The following SSX2IP variants were observed in gnomAD, a reference collection of about 807,000 sequenced individuals.
The protein encoded by SSX2IP is afadin- and alpha-actinin-binding protein.
In SSX2IP, 55 loss-of-function variants were observed where a neutral mutation model predicts 84.9. The ratio of observed to expected loss-of-function variants is 0.65; its 90% CI spans 0.52 to 0.81. The LOEUF is 0.81. Ranked by LOEUF, SSX2IP falls within the 30% of genes least tolerant of loss-of-function variation. The pLI is 0.00. For synonymous variants in SSX2IP, 239 were observed against 234.7 expected (o/e 1.02, Z -0.17); for missense variants, 664 against 705.2 (o/e 0.94, Z 0.66).
At chr1:84,662,579 A>T (rs2911563) in intron 6 of SSX2IP, 49 bp from the exon 7 acceptor site, 4 of 1,591,198 alleles carry the variant, frequency 2.5e-6, no homozygotes, top group Non-Finnish European at 3.4e-6. Context: ...ATGCTTAAGC[A>T]TCTAAAACTC....
intron 8 of SSX2IP, among the ~76,000 whole-genome samples, chr1:84,661,078 A>G (rs1651909985): frequency 6.7e-6 from 1 of 149,424 alleles, no homozygotes; most frequent in African/African-American, 2.5e-5. Context: ...AAAAAAAAAA[A>G]AAAAAAAAAA....
intron 11 of SSX2IP, among the ~76,000 whole-genome samples, chr1:84,655,154 A>G (rs1170902458): frequency 2.0e-5 from 3 of 152,174 alleles, no homozygotes; most frequent in African/African-American, 7.2e-5. Context: ...CTGATAAACA[A>G]GAAAACTTGA....
intron 7 of SSX2IP, 23 bp from the exon 8 acceptor site, chr1:84,662,398 G>A (rs767490222): frequency 1.2e-6 from 2 of 1,607,998 alleles, no homozygotes; most frequent in South Asian, 2.2e-5. Context: ...CTGTCAGTAT[G>A]AAAATGCAGG....
At chr1:84,676,152 T>C (rs1654295571) in intron 1 of SSX2IP, among the ~76,000 whole-genome samples, 1 of 152,194 alleles carries the variant, frequency 6.6e-6, no homozygotes, top group African/African-American at 2.4e-5. Context: ...ACCTTGAACA[T>C]TAAATAATTA....
intron 9 of SSX2IP, 131 bp from the exon 10 acceptor site, chr1:84,656,615 T>C (rs960786218): frequency 2.8e-6 from 2 of 723,316 alleles, no homozygotes; most frequent in Non-Finnish European, 3.9e-6. Flanking sequence ...TTCTAAAAAG[T>C]AGTTACGTCC....
At chr1:84,664,830 A>C (rs1652534819) in intron 5 of SSX2IP, among the ~76,000 whole-genome samples, 1 of 152,194 alleles carries the variant, frequency 6.6e-6, no homozygotes, top group Admixed American at 6.5e-5. Context: ...TTATGGAAGT[A>C]TTAAAACGAT....
intron 7 of SSX2IP, 37 bp from the exon 8 acceptor site, chr1:84,662,412 G>A (rs1652150567): frequency 1.2e-6 from 2 of 1,610,328 alleles, no homozygotes; most frequent in South Asian, 1.1e-5. Flanking sequence ...ATGCAGGATA[G>A]AAGGAAGTCT....
intron 6 of SSX2IP, 39 bp downstream of exon 6, chr1:84,664,378 C>G: frequency 6.5e-7 from 1 of 1,530,876 alleles, no homozygotes; most frequent in Non-Finnish European, 8.7e-7. Flanking sequence ...ATAGTATTAG[C>G]TTATTTATTC....
At chr1:84,666,308 C>T in intron 4 of SSX2IP, 76 bp from the exon 5 acceptor site, 1 of 1,081,760 alleles carries the variant, frequency 9.2e-7, no homozygotes, top group Non-Finnish European at 1.4e-6. Flanking sequence ...ATATCAGTAA[C>T]AAGAAGTTAT....
chr1:84,679,895 G>T (rs1654849284), intron 1 of SSX2IP, among the ~76,000 whole-genome samples: 1 of 152,168 alleles, frequency 6.6e-6, no homozygotes, highest in South Asian at 2.1e-4. Context: ...GCTAGCAAGT[G>T]GCAGAGGCAG....
Position 84,648,066 on chromosome 1 carries a change from T to G in SSX2IP, c.1671-459A>C, listed in dbSNP as rs193097644. Among the ~76,000 whole-genome samples, 218 of 152,292 alleles carry G rather than the reference T, an allele frequency of 1.4e-3. 2 individuals carry two copies. Among genetic ancestry groups the G allele is most frequent in the Non-Finnish European group, 3.4e-4 (23 of 68,012 alleles). The stretch of plus-strand genomic sequence containing the variant: ...CGCACAAGTCTCCTTGCCTGGAATC[T>G]AAGGCACAGCCTTTATATAAAATTC... On this transcript the variant is annotated intron_variant, in intron 13 of 13. Coordinates refer to ENST00000342203, the MANE Select transcript of SSX2IP (RefSeq NM_001166293.2).
chr1:84,662,209 T>G lies in SSX2IP; in HGVS notation c.916A>C (p.Ser306Arg). The G allele has an allele frequency of 1.3e-6, 2 of 1,587,666 alleles. No individual in the cohort carries two copies. Among genetic ancestry groups the G allele is most frequent in the Non-Finnish European group, 8.5e-7 (1 of 1,170,896 alleles). Reference protein sequence around the residue: ...KKKPRERVDDSTGTVISDVEE... With the variant: ...KKKPRERVDDRTGTVISDVEE... ...AAAGAGCCACTTACAGTTCCTGTAC[T>G]ATCATCTACTCTTTCTCTAGGTTTC... Residue 306 changes from serine (S) to arginine (R), a missense_variant, in exon 8 of 14, where the codon AGT becomes CGT. By Grantham distance (110) the Ser-to-Arg change is moderately radical. Transcript: ENST00000342203.
chr1:84,674,805 C>T (rs1230822554), intron 1 of SSX2IP, among the ~76,000 whole-genome samples: 1 of 152,124 alleles, frequency 6.6e-6, no homozygotes, highest in Non-Finnish European at 1.5e-5. Context: ...TGATTTCACA[C>T]AATCTAAAAG....
Position 84,644,486 on chromosome 1 carries a change from G to A in SSX2IP, c.*2947C>T, listed in dbSNP as rs1273575347. 6.6e-6 allele frequency: 1 copy of A among 152,174 alleles called. No individual in the cohort carries two copies. The highest frequency in any genetic ancestry group is 2.4e-5 in the African/African-American group (1 of 41,444). The allele number at this position is 152,174 out of a possible 1,614,324, so 9.4% of individuals were successfully genotyped here. On this transcript the variant is annotated 3_prime_UTR_variant, in exon 14 of 14. Coordinates refer to ENST00000342203, the MANE Select transcript of SSX2IP (RefSeq NM_001166293.2). ...TGAAAAAGGACAAAAATAGGGAAAA[G>A]TATATTTACTAGACTTCCATAATCC...
At chr1:84,655,754 AAAG>A in intron 11 of SSX2IP, 75 bp downstream of exon 11, 1 of 1,506,152 alleles carries the variant, frequency 6.6e-7, no homozygotes, top group Non-Finnish European at 8.9e-7. Flanking sequence ...AGCAAGAAAA[AAAG>A]GAGACCTTAG....
At chr1:84,675,195 C>T (rs151014856) in intron 1 of SSX2IP, among the ~76,000 whole-genome samples, 2 of 152,244 alleles carry the variant, frequency 1.3e-5, no homozygotes, top group African/African-American at 2.4e-5. Flanking sequence ...CAGGAACACA[C>T]GTTCATATTA....
chr1:84,652,105 G>A (rs902461851), intron 11 of SSX2IP, 108 bp from the exon 12 acceptor site: 43 of 769,918 alleles, frequency 5.6e-5, no homozygotes, highest in African/African-American at 1.9e-4. Context: ...CTATCTATTC[G>A]TACTTCTTAT....
intron 1 of SSX2IP, 93 bp downstream of exon 1, chr1:84,690,278 C>CCGCG (rs1185880592): frequency 3.3e-5 from 5 of 151,878 alleles, no homozygotes; most frequent in African/African-American, 2.4e-5. Context: ...GCTCTCACCT[C>CCGCG]CGCGCGCGCC....
chr1:84,674,500 TA>T (rs1025673889), intron 1 of SSX2IP, among the ~76,000 whole-genome samples: 44 of 152,202 alleles, frequency 2.9e-4, no homozygotes, highest in African/African-American at 9.4e-4. Context: ...AAGAAAACAG[TA>T]ATAGGCACCT....
Sources: gnomAD v4.1 joint callset for allele counts (sites outside exome capture counted in the v4.1 genomes callset) on GRCh38, gnomAD v4.1.1 for gene constraint, MANE v1.5 for transcripts, NCBI Gene and HGNC (gene_info 2026-07-23, HGNC 2026-07-21) for gene names.